LRFN2: variants seen among roughly 807,000 people sequenced by gnomAD.
The protein encoded by LRFN2 is leucine-rich repeat and fibronectin type-III domain-containing protein 2.
Under a neutral mutation model 37.3 loss-of-function variants are expected in LRFN2, and 18 were observed. The ratio of observed to expected loss-of-function variants is 0.48; its 90% CI spans 0.33 to 0.72. The LOEUF is 0.72. Ranked by LOEUF, LRFN2 falls within the 30% of genes least tolerant of loss-of-function variation. The pLI is 0.02. For missense variants in LRFN2, 1,006 were observed against 1,060.7 expected, an observed-to-expected ratio of 0.95 and a Z score of 0.72; for synonymous variants, 556 against 466.6, an observed-to-expected ratio of 1.19 and a Z score of -2.47.
chr6:40,484,413 C>G (rs894732283), intron 1 of LRFN2, among the ~76,000 whole-genome samples: 1 of 152,188 alleles, frequency 6.6e-6, no homozygotes, highest in African/African-American at 2.4e-5. Context: ...CCAAAGCAGT[C>G]CCTCCTGGCA....
At chr6:40,449,283 T>C (rs529802952) in intron 1 of LRFN2, among the ~76,000 whole-genome samples, 5 of 152,338 alleles carry the variant, frequency 3.3e-5, no homozygotes, top group African/African-American at 1.2e-4. Flanking sequence ...CATAAATATA[T>C]ACAAATTGTA....
At chr6:40,451,793 G>A (rs1764116789) in intron 1 of LRFN2, among the ~76,000 whole-genome samples, 1 of 152,128 alleles carries the variant, frequency 6.6e-6, no homozygotes, top group South Asian at 2.1e-4. Flanking sequence ...GAGGCAAGGT[G>A]CCCCTTCTAG....
Position 40,475,058 on chromosome 6 carries a change from A to C in LRFN2, c.-18-41927T>G, listed in dbSNP as rs146998480. ...TGTCGGAGACTAGGGCTTCATGAGT[A>C]AACAGCCACAGTGCACCCCATATGT... On this transcript the variant is annotated intron_variant, in intron 1 of 2. Transcript: ENST00000338305. Among the ~76,000 whole-genome samples, 1,070 of 152,274 alleles carry C rather than the reference A, an allele frequency of 7.0e-3. 10 individuals are homozygous for C. Among genetic ancestry groups the C allele is most frequent in the Middle Eastern group, 0.027 (8 of 294 alleles).
intron 1 of LRFN2, among the ~76,000 whole-genome samples, chr6:40,479,481 G>C (rs577515857): frequency 6.6e-6 from 1 of 152,210 alleles, no homozygotes; most frequent in Admixed American, 6.5e-5. Flanking sequence ...ATGGGGAGCA[G>C]CTAAGCTACT....
chr6:40,516,831 C>G (rs1765891926), intron 1 of LRFN2, among the ~76,000 whole-genome samples: 1 of 152,182 alleles, frequency 6.6e-6, no homozygotes, highest in South Asian at 2.1e-4. Context: ...TACACCTCCC[C>G]TCTATGGAGC....
chr6:40,497,344 C>T (rs1765252631), intron 1 of LRFN2, among the ~76,000 whole-genome samples: 1 of 152,108 alleles, frequency 6.6e-6, no homozygotes, highest in Non-Finnish European at 1.5e-5. Flanking sequence ...CAACCTGTTG[C>T]CCTCATAAAT....
intron 1 of LRFN2, among the ~76,000 whole-genome samples, chr6:40,573,060 C>G (rs994818591): frequency 6.6e-6 from 1 of 152,174 alleles, no homozygotes; most frequent in Non-Finnish European, 1.5e-5. Context: ...GGCATCCTGC[C>G]CATTTATCAA....
intron 1 of LRFN2, among the ~76,000 whole-genome samples, chr6:40,574,994 G>A (rs1767252843): frequency 6.6e-6 from 1 of 152,196 alleles, no homozygotes; most frequent in South Asian, 2.1e-4. Context: ...CTGGGCCATG[G>A]CAAGTAGCAT....
chr6:40,393,105 G>A (rs1310481293), intron 2 of LRFN2, among the ~76,000 whole-genome samples, 193 bp from the exon 3 acceptor site: 1 of 150,596 alleles, frequency 6.6e-6, no homozygotes, highest in Non-Finnish European at 1.5e-5. Context: ...AGACATGGAA[G>A]GAGAGAGAAG....
intron 1 of LRFN2, among the ~76,000 whole-genome samples, chr6:40,550,422 C>T (rs1479882036): frequency 6.6e-6 from 1 of 152,122 alleles, no homozygotes; most frequent in Admixed American, 6.6e-5. Context: ...ATTGCTCAAA[C>T]CTTAAGACAT....
intron 1 of LRFN2, among the ~76,000 whole-genome samples, chr6:40,468,596 AGATT>A (rs1764524836): frequency 2.6e-5 from 4 of 151,802 alleles, no homozygotes; most frequent in Non-Finnish European, 5.9e-5. Flanking sequence ...AAGAGTAGTG[AGATT>A]AAACCAGATC....
At chr6:40,493,604 G>A (rs1765148293) in intron 1 of LRFN2, among the ~76,000 whole-genome samples, 1 of 152,212 alleles carries the variant, frequency 6.6e-6, no homozygotes, top group Admixed American at 6.5e-5. Flanking sequence ...GAGTGCTCCA[G>A]AACCTCCAGA....
chr6:40,484,597 G>T (rs545543129), intron 1 of LRFN2, among the ~76,000 whole-genome samples: 1 of 152,276 alleles, frequency 6.6e-6, no homozygotes, highest in East Asian at 1.9e-4. Flanking sequence ...AGGGGCAGGG[G>T]TCTTGGCTCT....
At chr6:40,539,021 G>T (rs1038917211) in intron 1 of LRFN2, among the ~76,000 whole-genome samples, 2 of 152,210 alleles carry the variant, frequency 1.3e-5, no homozygotes, top group Non-Finnish European at 1.5e-5. Flanking sequence ...GCTGTGTCCA[G>T]GTTCCTCCCT....
rs752972026 is a variant in LRFN2 at position 40,550,069 on chromosome 6, C to T, written c.-19+36872G>A. ...ATAAAAATAAAAATAAATAAACTCTCTTACTCTCTTTCTGGCAGTGAGGAC... is the reference window on the plus strand; with the variant it reads ...ATAAAAATAAAAATAAATAAACTCTTTTACTCTCTTTCTGGCAGTGAGGAC... On this transcript the variant is annotated intron_variant, in intron 1 of 2. Coordinates refer to ENST00000338305, the MANE Select transcript of LRFN2 (RefSeq NM_020737.3). Among the ~76,000 whole-genome samples the T allele has an allele frequency of 4.4e-4, 67 of 152,212 alleles. 1 individual carries two copies. Among genetic ancestry groups the T allele is most frequent in the African/African-American group, 1.4e-3 (60 of 41,572 alleles).
At chr6:40,465,602 C>T (rs930406618) in intron 1 of LRFN2, among the ~76,000 whole-genome samples, 1 of 152,106 alleles carries the variant, frequency 6.6e-6, no homozygotes, top group African/African-American at 2.4e-5. Flanking sequence ...TTGGAGAAAA[C>T]AGGGAGATAT....
intron 1 of LRFN2, among the ~76,000 whole-genome samples, chr6:40,579,100 T>C (rs1431463616): frequency 1.3e-5 from 2 of 152,332 alleles, no homozygotes; most frequent in East Asian, 3.9e-4. Context: ...GCAACCACTC[T>C]GCGATTGCAA....
chr6:40,442,754 T>C (rs1170154233), intron 1 of LRFN2, among the ~76,000 whole-genome samples: 1 of 151,550 alleles, frequency 6.6e-6, no homozygotes, highest in East Asian at 1.9e-4. Flanking sequence ...ATGAGCAATG[T>C]CCTCATGTTT....
At chr6:40,548,440 C>CAAAAAAAAAAAAAAAAAAAAAAAAAAAAA (rs67639435) in intron 1 of LRFN2, among the ~76,000 whole-genome samples, 4 of 142,714 alleles carry the variant, frequency 2.8e-5, no homozygotes, top group South Asian at 2.2e-4. Context: ...GACTCCATCT[C>CAAAAAAAAAAAAAAAAAAAAAAAAAAAAA]AAAAAAAAAA....
Sources: allele counts gnomAD v4.1 joint callset (sites outside exome capture counted in the v4.1 genomes callset), GRCh38; gene constraint gnomAD v4.1.1; transcripts MANE v1.5; gene names NCBI Gene and HGNC (gene_info 2026-07-23, HGNC 2026-07-21).